ATP6V0A4: variants seen among roughly 807,000 people sequenced by gnomAD.
The protein encoded by ATP6V0A4 is ATPase H+ transporting V0 subunit a4, also known as V-type proton ATPase 116 kDa subunit a 4.
Under a neutral mutation model 107.3 loss-of-function variants are expected in ATP6V0A4, and 86 were observed. The ratio of observed to expected loss-of-function variants is 0.80; its 90% CI spans 0.67 to 0.96. The LOEUF is 0.96. Ranked by LOEUF, ATP6V0A4 falls within the 40% of genes least tolerant of loss-of-function variation. The pLI, the probability that ATP6V0A4 is intolerant of heterozygous loss-of-function variation, is 0.00. For synonymous variants in ATP6V0A4, 353 were observed against 381.4 expected (o/e 0.93, Z 0.87); for missense variants, 908 against 1,045.6 (o/e 0.87, Z 1.81).
chr7:138,716,010 A>C lies in ATP6V0A4; in HGVS notation c.2140-129T>G. The C allele has an allele frequency of 4.7e-6, 6 of 1,268,044 alleles. 1 individual carries two copies. In the South Asian group the frequency reaches 7.3e-5, roughly 16 times the overall value. 78.5% of individuals were successfully genotyped at this position (1,268,044 alleles called of 1,614,324 possible). On this transcript the variant is annotated intron_variant, in intron 19 of 21. Transcript: ENST00000310018. ...ACTTTCAGTCTAACTAGGGGAAAAG[A>C]AATAGTAATAGACTTAGAGAAAGAA... is the stretch of plus-strand genomic sequence containing the variant.
chr7:138,756,531 T>C lies in ATP6V0A4; in HGVS notation c.649A>G (p.Ile217Val), dbSNP rs1554398212. The C allele has an allele frequency of 4.3e-6, 7 of 1,610,836 alleles. No homozygotes were observed. The highest frequency in any genetic ancestry group is 5.9e-6 in the Non-Finnish European group (7 of 1,179,280). ...AATATGATGAATATGTTCTTCTGAA[T>C]TTCTTCTTTCTGGAAAATCAGAATA... ...PLEDPVTKEE[I>V]QKNIFIIFYQ... Residue 217 changes from isoleucine (I) to valine (V), a missense_variant, in exon 9 of 22, where the codon ATT (isoleucine) becomes GTT (valine). Physicochemically the swap from Ile to Val is conservative, Grantham distance 29. Transcript: ENST00000310018.
chr7:138,793,075 C>T (rs34282375), intron 1 of ATP6V0A4, among the ~76,000 whole-genome samples: 57,604 of 151,864 alleles, frequency 0.38, 12,372 homozygotes, highest in South Asian at 0.55. Context: ...GGGAGTCTCA[C>T]CTGAGGTCAG....
chr7:138,793,839 C>T (rs1221719418), intron 1 of ATP6V0A4, among the ~76,000 whole-genome samples: 2 of 152,136 alleles, frequency 1.3e-5, no homozygotes, highest in Admixed American at 6.5e-5. Flanking sequence ...TGTTAACCTC[C>T]GCGTGTCTGG....
chr7:138,724,009 G>A (rs1247438427), intron 18 of ATP6V0A4, among the ~76,000 whole-genome samples: 1 of 130,908 alleles, frequency 7.6e-6, no homozygotes, highest in Non-Finnish European at 1.6e-5. Flanking sequence ...GGGCAACAAA[G>A]TGAGATCCCA....
chr7:138,706,790 G>C (rs1397440665), intron 21 of ATP6V0A4, 73 bp from the exon 22 acceptor site: 5 of 1,597,066 alleles, frequency 3.1e-6, no homozygotes, highest in Non-Finnish European at 4.3e-6. Flanking sequence ...GGAAGGTGGA[G>C]GGAAGGAGGA....
At position 138,759,839 on chromosome 7, in the gene ATP6V0A4, G is replaced by A; in HGVS notation, c.552C>T (p.Ser184=). The A allele has an allele frequency of 6.2e-7, 1 of 1,614,108 alleles. No individual in the cohort carries two copies. The highest frequency in any genetic ancestry group is 2.2e-5 in the East Asian group (1 of 44,872). The change falls in exon 8 of 22, where the codon TCC becomes TCT. Residue 184 remains serine, a synonymous_variant. Coordinates refer to ENST00000310018, the MANE Select transcript of ATP6V0A4 (RefSeq NM_020632.3). ...AGATTCGCCACAGTAACCGCTCAAA[G>A]GAAGCCATCCTCTCCCTGTTGATCA... ...AGVINRERMA[S]FERLLWRICR...
rs998168887 is a variant in ATP6V0A4, at chr7:138,757,025, G to C, written c.640-485C>G. ...ATACATACAGTTGCTCAGATTTTTT[G>C]ACTCACAGTTGCTTGTGTGCCATAA... On this transcript the variant is annotated intron_variant, in intron 8 of 21. Transcript: ENST00000310018. 2.6e-5 allele frequency among the ~76,000 whole-genome samples: 4 copies of C among 152,070 alleles called. No homozygotes were observed. The East Asian group carries it at 7.7e-4, about 29-fold the overall frequency.
At chr7:138,786,928 T>C (rs1033999085) in intron 1 of ATP6V0A4, among the ~76,000 whole-genome samples, 1 of 152,240 alleles carries the variant, frequency 6.6e-6, no homozygotes, top group Non-Finnish European at 1.5e-5. Context: ...AAAAAAAGAA[T>C]TTAAATGTAC....
chr7:138,752,560 A>G, intron 11 of ATP6V0A4, 65 bp downstream of exon 11: 2 of 1,591,726 alleles, frequency 1.3e-6, no homozygotes, highest in Non-Finnish European at 1.7e-6. Context: ...TGAGGCCAAC[A>G]CCCTCTGAGA....
intron 6 of ATP6V0A4, 98 bp from the exon 7 acceptor site, chr7:138,762,532 A>G (rs1366877541): frequency 5.2e-6 from 8 of 1,552,972 alleles, no homozygotes; most frequent in Non-Finnish European, 6.1e-6. Flanking sequence ...GTGAAGCTTT[A>G]ATTTTCCACA....
At chr7:138,754,718 G>A (rs564542148) in intron 10 of ATP6V0A4, among the ~76,000 whole-genome samples, 2 of 151,936 alleles carry the variant, frequency 1.3e-5, no homozygotes, top group East Asian at 3.9e-4. Flanking sequence ...TGCCTCTCAG[G>A]TTCAAACGAT....
intron 20 of ATP6V0A4, among the ~76,000 whole-genome samples, chr7:138,710,231 G>A (rs578118851): frequency 5.1e-5 from 7 of 138,014 alleles, no homozygotes; most frequent in South Asian, 4.5e-4. Flanking sequence ...CGCTCTTGTC[G>A]CCCAGTCTGG....
chr7:138,728,661 C>A, intron 18 of ATP6V0A4, 100 bp downstream of exon 18: 1 of 1,537,208 alleles, frequency 6.5e-7, no homozygotes, highest in Non-Finnish European at 9.0e-7. Flanking sequence ...TTCTTCTGGC[C>A]CTGGCAGCCC....
chr7:138,714,484 T>A lies in ATP6V0A4; in HGVS notation c.2257+1280A>T, dbSNP rs544689237. On this transcript the variant is annotated intron_variant, in intron 20 of 21. Coordinates refer to ENST00000310018, the MANE Select transcript of ATP6V0A4 (RefSeq NM_020632.3). ...ACTTTGGGAGGCTGAGGCAAGAGGATCCCTTGAGGCCAGGAGTGTGAGATC... is the reference window on the plus strand; with the variant it reads ...ACTTTGGGAGGCTGAGGCAAGAGGAACCCTTGAGGCCAGGAGTGTGAGATC... Among the ~76,000 whole-genome samples, 372 of 152,016 alleles carry A rather than the reference T, an allele frequency of 2.4e-3. 1 individual carries two copies. Among genetic ancestry groups the A allele is most frequent in the African/African-American group, 8.2e-3 (342 of 41,466 alleles).
intron 16 of ATP6V0A4, among the ~76,000 whole-genome samples, chr7:138,733,763 A>C (rs1391142192): frequency 3.3e-5 from 5 of 151,836 alleles, no homozygotes; most frequent in Admixed American, 3.3e-4. Flanking sequence ...TTTTTAGTAG[A>C]GATGGGCTTT....
chr7:138,762,468 T>C (rs746852686), intron 6 of ATP6V0A4, 34 bp from the exon 7 acceptor site: 40 of 1,612,990 alleles, frequency 2.5e-5, no homozygotes, highest in Admixed American at 1.2e-4. Flanking sequence ...TTCATTTAAA[T>C]ATATTTAGGG....
At chr7:138,766,964 T>A (rs1807122259) in intron 5 of ATP6V0A4, among the ~76,000 whole-genome samples, 1 of 152,202 alleles carries the variant, frequency 6.6e-6, no homozygotes, top group Admixed American at 6.6e-5. Flanking sequence ...CTGGATTATC[T>A]TCCTCTCCTT....
In ATP6V0A4 at chr7:138,707,654, A is replaced by G. The variant is rs185864226; in HGVS notation, c.2430-937T>C. 4.5e-3 allele frequency among the ~76,000 whole-genome samples: 676 copies of G among 151,372 alleles called. 8 individuals carry two copies. The highest frequency in any genetic ancestry group is 0.027 in the South Asian group (129 of 4,790). ...TGACCTCAGGTGATCCACACACCTC[A>G]GCCTCCCAAAGTGCTGGGATTACAG... On this transcript the variant is annotated intron_variant, in intron 21 of 21. Transcript: ENST00000310018.
intron 17 of ATP6V0A4, among the ~76,000 whole-genome samples, chr7:138,729,412 G>A (rs964631416): frequency 3.3e-5 from 5 of 152,112 alleles, no homozygotes; most frequent in African/African-American, 1.2e-4. Context: ...ATCGCTACCT[G>A]ACTTTCATCC....
Sources: gnomAD v4.1 joint callset for allele counts (sites outside exome capture counted in the v4.1 genomes callset) on GRCh38, gnomAD v4.1.1 for gene constraint, MANE v1.5 for transcripts, NCBI Gene and HGNC (gene_info 2026-07-23, HGNC 2026-07-21) for gene names.